GALNT11: variants seen among roughly 807,000 people sequenced by gnomAD.
The protein encoded by GALNT11 is polypeptide N-acetylgalactosaminyltransferase 11, also known as UDP-GalNAc:polypeptide N-acetylgalactosaminyltransferase 11.
GALNT11 carries 47 observed loss-of-function variants against 72.7 expected under a neutral mutation model. The observed-to-expected ratio is 0.65, with a 90% CI of 0.51 to 0.82. The LOEUF is 0.82. GALNT11 is among the 40% of genes least tolerant of loss of function. The pLI is 0.00. For synonymous variants in GALNT11, 270 were observed against 286.6 expected, an observed-to-expected ratio of 0.94 and a Z score of 0.58; for missense variants, 677 against 778.4, an observed-to-expected ratio of 0.87 and a Z score of 1.55.
intron 1 of GALNT11, among the ~76,000 whole-genome samples, chr7:152,047,387 C>G (rs1468590109): frequency 6.6e-6 from 1 of 152,076 alleles, no homozygotes; most frequent in African/African-American, 2.4e-5. Flanking sequence ...TCACTTGAAC[C>G]TGGGAAGCGG....
At chr7:152,085,913 G>A (rs2085617573) in intron 1 of GALNT11, among the ~76,000 whole-genome samples, 1 of 150,124 alleles carries the variant, frequency 6.7e-6, no homozygotes, top group African/African-American at 2.5e-5. Context: ...TTTTGAGATG[G>A]AGTCTCGCTC....
At chr7:152,099,540 T>G (rs953801572) in intron 2 of GALNT11, among the ~76,000 whole-genome samples, 6 of 129,898 alleles carry the variant, frequency 4.6e-5, no homozygotes, top group Non-Finnish European at 6.4e-5. Context: ...GTTTTTTTTT[T>G]TTTTTTTTTT....
At chr7:152,055,527 G>A (rs2083620382) in intron 1 of GALNT11, among the ~76,000 whole-genome samples, 1 of 46,388 alleles carries the variant, frequency 2.2e-5, no homozygotes, top group Non-Finnish European at 3.4e-5. Flanking sequence ...AAGCGTGTGT[G>A]TGTGTGTGTG....
chr7:152,057,554 G>A (rs950859349), intron 1 of GALNT11, among the ~76,000 whole-genome samples: 6 of 151,880 alleles, frequency 4.0e-5, no homozygotes, highest in Admixed American at 3.9e-4. Context: ...TGACCCACCC[G>A]CCTCAGCCTC....
intron 1 of GALNT11, among the ~76,000 whole-genome samples, chr7:152,091,488 C>T (rs2129035232): frequency 6.6e-6 from 1 of 152,256 alleles, no homozygotes; most frequent in Admixed American, 6.5e-5. Context: ...GATCCGCCCA[C>T]CTCGGCTTCC....
intron 1 of GALNT11, among the ~76,000 whole-genome samples, chr7:152,072,902 C>T (rs1364166234): frequency 6.6e-6 from 1 of 152,208 alleles, no homozygotes; most frequent in Non-Finnish European, 1.5e-5. Flanking sequence ...GAGTAAACAT[C>T]GCCTTGCTAA....
intron 1 of GALNT11, among the ~76,000 whole-genome samples, chr7:152,038,640 A>C (rs116483312): frequency 0.019 from 2,911 of 152,350 alleles, 95 homozygotes; most frequent in African/African-American, 0.066. Flanking sequence ...TTGCAAAGTG[A>C]TAAAAGCAAA....
At chr7:152,082,575 A>G (rs1196449711) in intron 1 of GALNT11, among the ~76,000 whole-genome samples, 1 of 152,268 alleles carries the variant, frequency 6.6e-6, no homozygotes, top group Non-Finnish European at 1.5e-5. Flanking sequence ...AAAGCATGCC[A>G]GGGCAGATAT....
At chr7:152,085,506 C>G (rs2085585775) in intron 1 of GALNT11, among the ~76,000 whole-genome samples, 1 of 151,996 alleles carries the variant, frequency 6.6e-6, no homozygotes, top group Non-Finnish European at 1.5e-5. Context: ...TATTAAAGGC[C>G]TGGGTAATTG....
intron 1 of GALNT11, among the ~76,000 whole-genome samples, chr7:152,084,936 A>AAT (rs1554425809): frequency 0.088 from 13,410 of 151,932 alleles, 2,011 homozygotes; most frequent in African/African-American, 0.31. Context: ...TCTGCTGTCA[A>AAT]TGTCCCCCTC....
intron 1 of GALNT11, among the ~76,000 whole-genome samples, chr7:152,087,101 AC>A (rs1286820756): frequency 3.3e-5 from 5 of 152,174 alleles, no homozygotes; most frequent in African/African-American, 9.7e-5. Flanking sequence ...CCAGGGATAG[AC>A]AAAAGCTCTT....
chr7:152,038,644 A>G (rs1039663871), intron 1 of GALNT11, among the ~76,000 whole-genome samples: 5 of 152,220 alleles, frequency 3.3e-5, no homozygotes, highest in Admixed American at 3.3e-4. Flanking sequence ...AAAGTGATAA[A>G]AGCAAAGGCA....
At chr7:152,039,680 G>A (rs1348082771) in intron 1 of GALNT11, among the ~76,000 whole-genome samples, 1 of 152,058 alleles carries the variant, frequency 6.6e-6, no homozygotes, top group Non-Finnish European at 1.5e-5. Context: ...GGATTCTCCT[G>A]GAATCTTTTC....
At chr7:152,068,860 TATTTTTAATTTTTTA>T (rs1192641358) in intron 1 of GALNT11, among the ~76,000 whole-genome samples, 1 of 152,118 alleles carries the variant, frequency 6.6e-6, no homozygotes. Context: ...TTTTCCTTTT[TATTTTTAATTTTTTA>T]ATTTTTAATT....
At chr7:152,104,678 A>G (rs940939589) in intron 4 of GALNT11, 1 of 152,206 alleles carries the variant, frequency 6.6e-6, no homozygotes, top group South Asian at 2.1e-4. Flanking sequence ...ATCTTACACG[A>G]TCTTTCAAGT....
intron 2 of GALNT11, among the ~76,000 whole-genome samples, chr7:152,095,100 G>A (rs1054216807): frequency 4.6e-5 from 7 of 152,032 alleles, no homozygotes; most frequent in African/African-American, 1.7e-4. Flanking sequence ...TATCTAATAT[G>A]ATTTTCACTT....
At chr7:152,092,634 C>G (rs10235319) in intron 1 of GALNT11, among the ~76,000 whole-genome samples, 8,787 of 152,176 alleles carry the variant, frequency 0.058, 862 homozygotes, top group African/African-American at 0.2. Context: ...TGTTTACCAT[C>G]TTCTAGGCTT....
Position 152,117,342 on chromosome 7 carries a change from G to T in GALNT11, c.1419G>T (p.Gly473=). Residue 473 remains glycine, a synonymous_variant, in exon 9 of 12, where the codon GGG becomes GGT. Coordinates refer to ENST00000430044, the MANE Select transcript of GALNT11 (RefSeq NM_022087.4). ...AACAACCCATTTTTGTCAATAGAGG[G>T]CCAAAACGACCCAAAGTCCTTCAAC... is the stretch of plus-strand genomic sequence containing the variant. ...KPQQPIFVNR[G]PKRPKVLQRG... is the part of the protein sequence containing the mutation. 2.5e-6 allele frequency: 4 copies of T among 1,614,114 alleles called. No individual in the cohort carries two copies. Among genetic ancestry groups the T allele is most frequent in the Non-Finnish European group, 3.4e-6 (4 of 1,180,000 alleles).
At chr7:152,047,567 C>T (rs1054068093) in intron 1 of GALNT11, among the ~76,000 whole-genome samples, 2 of 151,958 alleles carry the variant, frequency 1.3e-5, no homozygotes, top group African/African-American at 4.8e-5. Context: ...CATGTTAGTG[C>T]ACACCTATAG....
Sources: gnomAD v4.1 joint callset for allele counts (sites outside exome capture counted in the v4.1 genomes callset) on GRCh38, gnomAD v4.1.1 for gene constraint, MANE v1.5 for transcripts, NCBI Gene and HGNC (gene_info 2026-07-23, HGNC 2026-07-21) for gene names.